AFF3: variants seen among roughly 807,000 people sequenced by gnomAD.
AFF3 encodes the protein AF4/FMR2 family member 3.
In AFF3, 32 loss-of-function variants were observed where a neutral mutation model predicts 129.7. That is an observed-to-expected ratio of 0.25 (90% confidence interval 0.19 to 0.33). AFF3 has a LOEUF of 0.33. AFF3 is among the 10% of genes least tolerant of loss of function. AFF3 has a pLI of 1.00. For missense variants in AFF3, 1,373 were observed against 1,592.0 expected, an observed-to-expected ratio of 0.86 and a Z score of 2.34; for synonymous variants, 644 against 635.4, an observed-to-expected ratio of 1.01 and a Z score of -0.20.
chr2:99,600,001 G>A (rs1013400658), intron 14 of AFF3, among the ~76,000 whole-genome samples: 7 of 152,188 alleles, frequency 4.6e-5, no homozygotes, highest in Non-Finnish European at 1.0e-4. Context: ...TTCTGAATGA[G>A]TAAATGAATC....
chr2:99,573,261 T>TC (rs1191788895), intron 18 of AFF3, among the ~76,000 whole-genome samples: 1 of 140,950 alleles, frequency 7.1e-6, no homozygotes, highest in Admixed American at 6.9e-5. Flanking sequence ...ACTTCATTTC[T>TC]TTCTCTCTCT....
intron 17 of AFF3, among the ~76,000 whole-genome samples, chr2:99,581,319 T>C (rs1169488008): frequency 2.0e-5 from 3 of 152,174 alleles, no homozygotes; most frequent in Non-Finnish European, 4.4e-5. Flanking sequence ...AATATAGGTC[T>C]TCCCCAATTC....
intron 13 of AFF3, among the ~76,000 whole-genome samples, chr2:99,648,917 A>ACACACTCTCTCT: frequency 5.1e-4 from 24 of 46,932 alleles, no homozygotes; most frequent in African/African-American, 7.7e-4. Context: ...ACACACACAC[A>ACACACTCTCTCT]CTCTCTCTCT....
chr2:99,914,560 T>C lies in AFF3; in HGVS notation c.874-77036A>G, dbSNP rs1000853114. 7.2e-5 allele frequency among the ~76,000 whole-genome samples: 11 copies of C among 152,304 alleles called. No homozygotes were observed. In the Middle Eastern group the frequency reaches 0.01, roughly 141 times the overall value. ...TAACTTCTGGATTTTGATCATTATA[T>C]TATGGATATGTAAGAGGATATTCTT... On this transcript the variant is annotated intron_variant, in intron 7 of 24. Transcript: ENST00000672756.
intron 8 of AFF3, among the ~76,000 whole-genome samples, chr2:99,762,839 T>C (rs1289842563): frequency 6.6e-6 from 1 of 152,222 alleles, no homozygotes; most frequent in African/African-American, 2.4e-5. Flanking sequence ...CACGTTGATG[T>C]TTATGTGTGG....
intron 8 of AFF3, among the ~76,000 whole-genome samples, chr2:99,830,151 T>C (rs1688409521): frequency 6.6e-6 from 1 of 152,014 alleles, no homozygotes; most frequent in African/African-American, 2.4e-5. Flanking sequence ...GGGAGAGCAT[T>C]AGGACAAATA....
intron 7 of AFF3, among the ~76,000 whole-genome samples, chr2:99,850,497 T>C (rs1690066534): frequency 6.6e-6 from 1 of 152,226 alleles, no homozygotes; most frequent in South Asian, 2.1e-4. Flanking sequence ...TTTGAACTAA[T>C]GGGGGAAAGT....
intron 8 of AFF3, among the ~76,000 whole-genome samples, chr2:99,811,230 A>T (rs754861894): frequency 3.9e-5 from 6 of 152,340 alleles, no homozygotes; most frequent in South Asian, 2.1e-4. Context: ...TATTGCCTTC[A>T]GAACTTTATG....
intron 4 of AFF3, among the ~76,000 whole-genome samples, chr2:100,062,309 G>C (rs934499458): frequency 6.6e-6 from 1 of 152,186 alleles, no homozygotes; most frequent in African/African-American, 2.4e-5. Context: ...ACCAGCTCAG[G>C]CTTCCAGAAG....
intron 13 of AFF3, among the ~76,000 whole-genome samples, chr2:99,628,459 C>A (rs1373590811): frequency 1.3e-5 from 2 of 152,134 alleles, no homozygotes; most frequent in African/African-American, 4.8e-5. Context: ...AGCTTTTGAA[C>A]TGAGACAATG....
intron 7 of AFF3, among the ~76,000 whole-genome samples, chr2:99,965,215 A>T (rs1324528812): frequency 6.6e-6 from 1 of 152,230 alleles, no homozygotes; most frequent in Non-Finnish European, 1.5e-5. Flanking sequence ...AGCTGACAGA[A>T]CCCACCTATT....
intron 7 of AFF3, among the ~76,000 whole-genome samples, chr2:99,957,949 C>G (rs1391514484): frequency 1.3e-5 from 2 of 152,166 alleles, no homozygotes; most frequent in African/African-American, 4.8e-5. Flanking sequence ...TGGTAGACCT[C>G]ACTTTGCCAC....
intron 7 of AFF3, among the ~76,000 whole-genome samples, chr2:99,973,711 A>T (rs553641878): frequency 3.4e-5 from 5 of 148,798 alleles, no homozygotes; most frequent in Admixed American, 2.7e-4. Context: ...TTTTTTTTTT[A>T]ATGAGCAGTT....
intron 7 of AFF3, among the ~76,000 whole-genome samples, chr2:99,892,304 T>C (rs1693631397): frequency 6.6e-6 from 1 of 152,248 alleles, no homozygotes; most frequent in Admixed American, 6.5e-5. Context: ...ACAAAATTCA[T>C]TACACTTGAA....
intron 13 of AFF3, among the ~76,000 whole-genome samples, chr2:99,632,266 C>T (rs1377146071): frequency 4.6e-5 from 7 of 152,230 alleles, no homozygotes; most frequent in African/African-American, 7.2e-5. Context: ...CTGCCCGCTT[C>T]GGCCTCCCAC....
At chr2:99,818,312 T>G (rs1021428268) in intron 8 of AFF3, among the ~76,000 whole-genome samples, 1 of 152,204 alleles carries the variant, frequency 6.6e-6, no homozygotes, top group African/African-American at 2.4e-5. Flanking sequence ...AAGTACTTAT[T>G]GAGACTATTA....
chr2:99,979,569 C>G (rs1377270801), intron 7 of AFF3, among the ~76,000 whole-genome samples: 1 of 151,882 alleles, frequency 6.6e-6, no homozygotes, highest in Non-Finnish European at 1.5e-5. Context: ...ACCTTGAAAT[C>G]CTGGTGTCAA....
intron 2 of AFF3, among the ~76,000 whole-genome samples, chr2:100,123,604 G>T (rs751448316): frequency 6.6e-6 from 1 of 152,224 alleles, no homozygotes; most frequent in African/African-American, 2.4e-5. Context: ...AAACGGCATC[G>T]ATAGTGTTGA....
At position 100,100,523 on chromosome 2, in the gene AFF3, C is replaced by T. The variant is rs1370474856; in HGVS notation, c.53+3879G>A. 9.2e-5 allele frequency among the ~76,000 whole-genome samples: 14 copies of T among 152,304 alleles called. No homozygotes were observed. The East Asian group carries it at 2.7e-3, about 29-fold the overall frequency. Reference sequence around the variant, plus strand: ...TCATGGAAGCCTTTGTTTTTTAACTCAATTTTTCCTCTTTCCATCCTCCAC... The same window carrying T: ...TCATGGAAGCCTTTGTTTTTTAACTTAATTTTTCCTCTTTCCATCCTCCAC... On this transcript the variant is annotated intron_variant, in intron 4 of 24. Coordinates refer to ENST00000672756, the MANE Select transcript of AFF3 (RefSeq NM_001386135.1).
Sources: gnomAD v4.1 joint callset for allele counts (sites outside exome capture counted in the v4.1 genomes callset) on GRCh38, gnomAD v4.1.1 for gene constraint, MANE v1.5 for transcripts, NCBI Gene and HGNC (gene_info 2026-07-23, HGNC 2026-07-21) for gene names.